Variants in LTBP1 observed in about 807,000 individuals in gnomAD.
The protein encoded by LTBP1 is latent-transforming growth factor beta-binding protein 1.
Under a neutral mutation model 207.6 loss-of-function variants are expected in LTBP1, and 129 were observed. The ratio of observed to expected loss-of-function variants is 0.62; its 90% confidence interval spans 0.54 to 0.72. The LOEUF is 0.72. Among genes scored for constraint, LTBP1 ranks in the 30% least tolerant of loss-of-function variants. The pLI is 0.00. For synonymous variants in LTBP1, 963 were observed against 833.7 expected, an observed-to-expected ratio of 1.16 and a Z score of -2.67; for missense variants, 2,281 against 2,217.2, an observed-to-expected ratio of 1.03 and a Z score of -0.58.
intron 31 of LTBP1, among the ~76,000 whole-genome samples, chr2:33,388,634 A>T (rs2095288291): frequency 6.6e-6 from 1 of 152,196 alleles, no homozygotes; most frequent in Admixed American, 6.5e-5. Context: ...CGTGATTATT[A>T]TGACTCTCAG....
At chr2:33,101,055 T>G (rs558045759) in intron 3 of LTBP1, among the ~76,000 whole-genome samples, 1 of 152,294 alleles carries the variant, frequency 6.6e-6, no homozygotes, top group South Asian at 2.1e-4. Context: ...AGGAGAAGAA[T>G]TGCCAAATTA....
intron 3 of LTBP1, among the ~76,000 whole-genome samples, chr2:33,044,895 C>T (rs548369384): frequency 3.2e-4 from 49 of 152,042 alleles, no homozygotes; most frequent in Middle Eastern, 3.4e-3. Context: ...GTGTGTTGGC[C>T]GCATGAATGT....
intron 8 of LTBP1, among the ~76,000 whole-genome samples, chr2:33,221,550 C>T (rs2091105736): frequency 6.6e-6 from 1 of 152,188 alleles, no homozygotes; most frequent in Admixed American, 6.5e-5. Context: ...GCCTATTCTT[C>T]TCTGGTTCAT....
chr2:33,361,889 C>T (rs545230884), intron 28 of LTBP1, among the ~76,000 whole-genome samples: 1 of 152,278 alleles, frequency 6.6e-6, no homozygotes, highest in African/African-American at 2.4e-5. Context: ...CAATTATGAT[C>T]ATATAAATTT....
In LTBP1 at chr2:33,203,562, C is replaced by T. The variant is rs140846794; in HGVS notation, c.1702-13990C>T. ...TGTCAGCTTTAAGGGTCCACCTGCC[C>T]GGACCTGTTTAAGAGAAGCAAGTAT... On this transcript the variant is annotated intron_variant, in intron 7 of 33. Coordinates refer to ENST00000404816, the MANE Select transcript of LTBP1 (RefSeq NM_206943.4). Among the ~76,000 whole-genome samples the T allele has an allele frequency of 1.1e-3, 173 of 152,274 alleles. No homozygotes were observed. In the Middle Eastern group the frequency reaches 0.017, roughly 15 times the overall value.
intron 19 of LTBP1, among the ~76,000 whole-genome samples, chr2:33,283,301 C>T (rs2093598242): frequency 6.6e-6 from 1 of 151,286 alleles, no homozygotes; most frequent in South Asian, 2.1e-4. Flanking sequence ...CTCTTCCTGG[C>T]TAGTCATTTG....
chr2:33,142,681 T>C (rs929016543), intron 5 of LTBP1, among the ~76,000 whole-genome samples: 2 of 152,080 alleles, frequency 1.3e-5, no homozygotes, highest in Non-Finnish European at 2.9e-5. Context: ...TAAGAACATA[T>C]GTCTGTAGCC....
intron 32 of LTBP1, among the ~76,000 whole-genome samples, chr2:33,393,535 T>G (rs1309189950): frequency 6.8e-6 from 1 of 147,902 alleles, no homozygotes; most frequent in Non-Finnish European, 1.5e-5. Flanking sequence ...AGTGAGAACA[T>G]GCGGTGTTTG....
chr2:33,341,601 C>T (rs868785311), intron 24 of LTBP1, among the ~76,000 whole-genome samples: 4 of 150,798 alleles, frequency 2.7e-5, no homozygotes, highest in South Asian at 2.1e-4. Context: ...GTCCCAGCTA[C>T]TCAGGAGGCT....
At chr2:32,948,816 T>C in intron 1 of LTBP1, 59 bp from the exon 2 acceptor site, 1 of 1,482,234 alleles carries the variant, frequency 6.7e-7, no homozygotes, top group Non-Finnish European at 9.4e-7. Context: ...GCTGGAAGCT[T>C]GGGTTCTTGG....
intron 3 of LTBP1, among the ~76,000 whole-genome samples, chr2:33,077,295 C>T (rs778911664): frequency 1.2e-4 from 18 of 152,196 alleles, no homozygotes; most frequent in South Asian, 4.1e-4. Context: ...TCTCCATTTA[C>T]TGATTTGCTT....
At chr2:33,305,328 T>A (rs2094070210) in intron 22 of LTBP1, among the ~76,000 whole-genome samples, 1 of 151,750 alleles carries the variant, frequency 6.6e-6, no homozygotes, top group Non-Finnish European at 1.5e-5. Context: ...TGTCTCAAAA[T>A]ATATATATAT....
intron 5 of LTBP1, among the ~76,000 whole-genome samples, chr2:33,163,493 G>C (rs531044601): frequency 6.6e-6 from 1 of 152,144 alleles, no homozygotes; most frequent in Admixed American, 6.5e-5. Flanking sequence ...AAGAGCGAGT[G>C]GGGTAGGATG....
intron 3 of LTBP1, among the ~76,000 whole-genome samples, chr2:33,031,578 A>T (rs571672474): frequency 6.6e-6 from 1 of 152,334 alleles, no homozygotes; most frequent in South Asian, 2.1e-4. Flanking sequence ...CGAGTAAGGA[A>T]GGGGGAGATT....
chr2:33,012,859 T>C (rs17569615), intron 2 of LTBP1, among the ~76,000 whole-genome samples: 22 of 152,240 alleles, frequency 1.4e-4, no homozygotes, highest in Non-Finnish European at 2.6e-4. Context: ...ATCATACATA[T>C]ATACTAGCAT....
At chr2:33,205,144 A>C (rs142948326) in intron 7 of LTBP1, among the ~76,000 whole-genome samples, 30 of 152,308 alleles carry the variant, frequency 2.0e-4, no homozygotes, top group East Asian at 9.6e-4. Context: ...TGAATAACCT[A>C]TACTTGTCTC....
rs374549312 is a variant in LTBP1, at chr2:33,055,341, G to T, written c.863+34135G>T. ...CCATAGCCACTCGAGGAAGGCAGAAGAATTTTCTTCCTTTCCCTGAGTTAT... is the reference window on the plus strand; with the variant it reads ...CCATAGCCACTCGAGGAAGGCAGAATAATTTTCTTCCTTTCCCTGAGTTAT... On this transcript the variant is annotated intron_variant, in intron 3 of 33. Transcript: ENST00000404816. 5.3e-5 allele frequency among the ~76,000 whole-genome samples: 8 copies of T among 152,194 alleles called. No homozygotes were observed. In the East Asian group the frequency reaches 1.2e-3, roughly 22 times the overall value.
chr2:33,307,666 A>G (rs1487134642), intron 22 of LTBP1, among the ~76,000 whole-genome samples: 1 of 152,240 alleles, frequency 6.6e-6, no homozygotes, highest in African/African-American at 2.4e-5. Context: ...AATTTATTTT[A>G]TGTACATTAT....
intron 24 of LTBP1, among the ~76,000 whole-genome samples, chr2:33,328,101 C>T (rs1309827304): frequency 1.4e-5 from 2 of 138,904 alleles, no homozygotes; most frequent in East Asian, 4.0e-4. Context: ...CGCCACTGCA[C>T]TCTAGCTTGG....
Sources: allele counts gnomAD v4.1 joint callset (sites outside exome capture counted in the v4.1 genomes callset), GRCh38; gene constraint gnomAD v4.1.1; transcripts MANE v1.5; gene names NCBI Gene and HGNC (gene_info 2026-07-23, HGNC 2026-07-21).